Variants in VTI1A observed in about 807,000 individuals in gnomAD.
VTI1A encodes the protein vesicle transport through interaction with t-SNAREs 1A.
A neutral mutation model predicts 34.9 loss-of-function variants in VTI1A; 22 were observed. The observed-to-expected ratio is 0.63, with a 90% CI of 0.45 to 0.90. The LOEUF (loss-of-function observed/expected upper bound fraction) is 0.90. Ranked by LOEUF, VTI1A falls within the 40% of genes least tolerant of loss-of-function variation. The probability of loss-of-function intolerance (pLI) is 0.00; values close to 1 mark genes in which losing one functional copy is unlikely to be tolerated. For synonymous variants in VTI1A, 87 were observed against 97.3 expected (o/e 0.89, Z 0.62); for missense variants, 268 against 275.6 (o/e 0.97, Z 0.20).
rs573108012 is a variant in VTI1A at position 112,754,166 on chromosome 10, C to T, written c.561-61124C>T. ...AGAGGTTCCTTAGAAGGTACACCCACGGAGAAAGGGACTGTTGACTTCTCA... is the reference window on the plus strand; with the variant it reads ...AGAGGTTCCTTAGAAGGTACACCCATGGAGAAAGGGACTGTTGACTTCTCA... On this transcript the variant is annotated intron_variant, in intron 7 of 7. Coordinates refer to ENST00000393077, the MANE Select transcript of VTI1A (RefSeq NM_145206.4). 7.2e-5 allele frequency among the ~76,000 whole-genome samples: 11 copies of T among 152,316 alleles called. No homozygotes were observed. The South Asian group carries it at 1.7e-3, about 23-fold the overall frequency.
At chr10:112,673,441 CATTCACACACAT>C (rs1847922081) in intron 7 of VTI1A, among the ~76,000 whole-genome samples, 1 of 147,116 alleles carries the variant, frequency 6.8e-6, no homozygotes, top group African/African-American at 2.5e-5. Context: ...TATTTGCCCC[CATTCACACACAT>C]GCGCGCGTGC....
chr10:112,625,247 T>G (rs1343426201), intron 5 of VTI1A, among the ~76,000 whole-genome samples: 1 of 152,224 alleles, frequency 6.6e-6, no homozygotes, highest in Non-Finnish European at 1.5e-5. Context: ...CCATTACATA[T>G]GGAAGCACGA....
At chr10:112,713,157 AC>A (rs1000265237) in intron 7 of VTI1A, among the ~76,000 whole-genome samples, 2 of 151,726 alleles carry the variant, frequency 1.3e-5, no homozygotes, top group Non-Finnish European at 2.9e-5. Flanking sequence ...CATATGAAAG[AC>A]CCCTCCCTCC....
At chr10:112,532,758 G>C (rs1343885500) in intron 4 of VTI1A, among the ~76,000 whole-genome samples, 1 of 152,046 alleles carries the variant, frequency 6.6e-6, no homozygotes, top group Non-Finnish European at 1.5e-5. Context: ...AGAGCTCATT[G>C]CCAGTTTACA....
intron 5 of VTI1A, among the ~76,000 whole-genome samples, chr10:112,625,256 G>A (rs746865702): frequency 1.3e-5 from 2 of 152,204 alleles, no homozygotes; most frequent in Non-Finnish European, 2.9e-5. Flanking sequence ...ATGGAAGCAC[G>A]ATTATCAGAA....
intron 1 of VTI1A, among the ~76,000 whole-genome samples, chr10:112,456,010 T>C (rs12098574): frequency 0.3 from 45,927 of 151,960 alleles, 7,148 homozygotes; most frequent in East Asian, 0.4. Context: ...CTGACTCATT[T>C]ATTCTGTAAG....
chr10:112,668,132 C>A, intron 5 of VTI1A, 86 bp from the exon 6 acceptor site: 1 of 1,087,318 alleles, frequency 9.2e-7, no homozygotes, highest in Non-Finnish European at 1.4e-6. Context: ...GCAACTTTAA[C>A]ATTTTATGCC....
intron 7 of VTI1A, among the ~76,000 whole-genome samples, chr10:112,705,811 C>T (rs1849175752): frequency 6.6e-6 from 1 of 152,050 alleles, no homozygotes; most frequent in South Asian, 2.1e-4. Flanking sequence ...TAACATTTGC[C>T]CACCCACCTA....
intron 5 of VTI1A, among the ~76,000 whole-genome samples, chr10:112,605,236 C>T (rs1320363213): frequency 6.6e-6 from 1 of 152,046 alleles, no homozygotes; most frequent in Non-Finnish European, 1.5e-5. Flanking sequence ...AGAGGAAGAA[C>T]GATATGTGTA....
chr10:112,595,465 G>GA (rs1268329929), intron 5 of VTI1A, among the ~76,000 whole-genome samples: 1 of 151,348 alleles, frequency 6.6e-6, no homozygotes, highest in Non-Finnish European at 1.5e-5. Flanking sequence ...AAATTTACAA[G>GA]AAAAAAAACA....
intron 3 of VTI1A, among the ~76,000 whole-genome samples, chr10:112,511,574 A>G (rs983753200): frequency 2.0e-5 from 3 of 152,044 alleles, no homozygotes; most frequent in Non-Finnish European, 4.4e-5. Context: ...TGTATAATGC[A>G]TAGTGTTCAA....
intron 7 of VTI1A, among the ~76,000 whole-genome samples, chr10:112,790,515 T>G (rs1224995925): frequency 6.6e-6 from 1 of 152,034 alleles, no homozygotes; most frequent in Non-Finnish European, 1.5e-5. Context: ...GAGGTGTGGG[T>G]TTTCACCATT....
intron 5 of VTI1A, among the ~76,000 whole-genome samples, chr10:112,627,970 A>G (rs1206385771): frequency 1.3e-5 from 2 of 152,196 alleles, no homozygotes; most frequent in Non-Finnish European, 2.9e-5. Flanking sequence ...ACAGAGTCAC[A>G]TGAGAAAATG....
At chr10:112,688,669 A>C (rs995274902) in intron 7 of VTI1A, among the ~76,000 whole-genome samples, 2 of 151,610 alleles carry the variant, frequency 1.3e-5, no homozygotes, top group Non-Finnish European at 2.9e-5. Flanking sequence ...TTACAGGCAC[A>C]TACCACCACA....
At chr10:112,526,586 T>C (rs1850232636) in intron 3 of VTI1A, among the ~76,000 whole-genome samples, 2 of 152,138 alleles carry the variant, frequency 1.3e-5, no homozygotes, top group Non-Finnish European at 2.9e-5. Context: ...ATGAAAGAAA[T>C]ATAGACGTGC....
chr10:112,748,095 C>G (rs1850966399), intron 7 of VTI1A, among the ~76,000 whole-genome samples: 1 of 152,096 alleles, frequency 6.6e-6, no homozygotes, highest in Non-Finnish European at 1.5e-5. Context: ...CTAAAGGTCA[C>G]TCAGCTAATC....
Position 112,668,295 on chromosome 10 carries a change from A to G in VTI1A, c.498+7A>G. The stretch of plus-strand genomic sequence containing the variant: ...ACAGCGAGCACGTGAAAGAGTAAGT[A>G]CAATTGATACAGTTTTTTCACATAT... On this transcript the variant is annotated splice_region_variant and intron_variant, in intron 6 of 7. Transcript: ENST00000393077. 1 of 1,611,302 alleles carries G rather than the reference A, an allele frequency of 6.2e-7. No homozygotes were observed. The highest frequency in any genetic ancestry group is 8.5e-7 in the Non-Finnish European group (1 of 1,178,332).
chr10:112,755,111 CG>C (rs1851235563), intron 7 of VTI1A, among the ~76,000 whole-genome samples: 1 of 151,966 alleles, frequency 6.6e-6, no homozygotes, highest in Non-Finnish European at 1.5e-5. Flanking sequence ...AAAAATTAGC[CG>C]GGCATGGTGG....
At chr10:112,535,711 T>C (rs1850594413) in intron 4 of VTI1A, among the ~76,000 whole-genome samples, 1 of 152,122 alleles carries the variant, frequency 6.6e-6, no homozygotes, top group Non-Finnish European at 1.5e-5. Context: ...TGAAAAGGGC[T>C]GAGAAGAGGG....
Sources: gnomAD v4.1 joint callset for allele counts (sites outside exome capture counted in the v4.1 genomes callset) on GRCh38, gnomAD v4.1.1 for gene constraint, MANE v1.5 for transcripts, NCBI Gene and HGNC (gene_info 2026-07-23, HGNC 2026-07-21) for gene names.